PDE7B: variants seen among roughly 807,000 people sequenced by gnomAD.
PDE7B encodes the protein 3',5'-cyclic-AMP phosphodiesterase 7B.
In PDE7B, 29 loss-of-function variants were observed where a neutral mutation model predicts 56.2. The ratio of observed to expected loss-of-function variants is 0.52; its 90% CI spans 0.38 to 0.70. The LOEUF is 0.70. Among genes scored for constraint, PDE7B ranks in the 30% least tolerant of loss-of-function variants. PDE7B has a pLI of 0.00. For missense variants in PDE7B, 490 were observed against 565.0 expected (o/e 0.87, Z 1.35); for synonymous variants, 197 against 196.9 (o/e 1.00, Z 0.00).
At chr6:135,863,063 A>G (rs866847911) in intron 1 of PDE7B, among the ~76,000 whole-genome samples, 3 of 152,000 alleles carry the variant, frequency 2.0e-5, no homozygotes, top group Non-Finnish European at 4.4e-5. Context: ...ACTTGAATGT[A>G]TAACCGAATA....
At chr6:136,038,250 C>G (rs766234144) in intron 2 of PDE7B, 14 of 1,296,302 alleles carry the variant, frequency 1.1e-5, no homozygotes, top group African/African-American at 1.5e-5. Context: ...AGCAGCAGCA[C>G]CACCACCACC....
At chr6:135,990,380 G>A (rs1775459161) in intron 2 of PDE7B, among the ~76,000 whole-genome samples, 1 of 152,188 alleles carries the variant, frequency 6.6e-6, no homozygotes, top group African/African-American at 2.4e-5. Flanking sequence ...ACAGGCGTGA[G>A]CTACTATGAC....
intron 2 of PDE7B, among the ~76,000 whole-genome samples, chr6:136,073,449 A>T (rs1303168059): frequency 6.6e-6 from 1 of 152,190 alleles, no homozygotes; most frequent in African/African-American, 2.4e-5. Flanking sequence ...ATTTTCTCAC[A>T]GTCTTACAGG....
intron 2 of PDE7B, among the ~76,000 whole-genome samples, chr6:136,033,241 C>A (rs1344757481): frequency 6.6e-6 from 1 of 152,222 alleles, no homozygotes. Context: ...TTGTTCTCAA[C>A]CTTTTGTCTC....
At position 135,905,893 on chromosome 6, in the gene PDE7B, T is replaced by C. The variant is rs560658751; in HGVS notation, c.22-41571T>C. 2.0e-5 allele frequency among the ~76,000 whole-genome samples: 3 copies of C among 152,142 alleles called. No homozygotes were observed. In the East Asian group the frequency reaches 5.8e-4, roughly 29 times the overall value. ...TGGTCACAGGCATCGTTTTGCTGGA[T>C]TGTTTGAGGAGAAGCAGGACAGAAG... On this transcript the variant is annotated intron_variant, in intron 1 of 12. Coordinates refer to ENST00000308191, the MANE Select transcript of PDE7B (RefSeq NM_018945.4).
intron 2 of PDE7B, among the ~76,000 whole-genome samples, chr6:135,985,938 G>A (rs750343337): frequency 3.9e-5 from 6 of 152,036 alleles, no homozygotes; most frequent in Admixed American, 6.6e-5. Context: ...CTCAGGCACC[G>A]GGCGATGCTC....
intron 2 of PDE7B, among the ~76,000 whole-genome samples, chr6:136,083,202 C>T (rs533059267): frequency 3.5e-4 from 54 of 152,262 alleles, no homozygotes; most frequent in Middle Eastern, 3.4e-3. Context: ...AGAGAACAGT[C>T]GGAAGACTGA....
At chr6:136,113,666 C>T (rs1562496399) in intron 3 of PDE7B, among the ~76,000 whole-genome samples, 2 of 152,130 alleles carry the variant, frequency 1.3e-5, no homozygotes, top group African/African-American at 4.8e-5. Context: ...CTGTATTCTC[C>T]CAATGTCGAT....
chr6:136,086,154 GT>G (rs1777288836), intron 2 of PDE7B, among the ~76,000 whole-genome samples: 1 of 152,120 alleles, frequency 6.6e-6, no homozygotes. Context: ...CCATTATTCT[GT>G]TTTCTGTAGT....
chr6:135,871,375 CA>C (rs1381505270), intron 1 of PDE7B, among the ~76,000 whole-genome samples: 2 of 152,156 alleles, frequency 1.3e-5, no homozygotes, highest in Non-Finnish European at 2.9e-5. Flanking sequence ...AATCAAAGTA[CA>C]AAGACCACAT....
chr6:136,189,350 G>T (rs1779187021), intron 12 of PDE7B, among the ~76,000 whole-genome samples: 1 of 152,094 alleles, frequency 6.6e-6, no homozygotes, highest in Non-Finnish European at 1.5e-5. Flanking sequence ...AATCCCTTGA[G>T]GCCAGGAATT....
At chr6:136,057,447 C>T (rs1776757742) in intron 2 of PDE7B, among the ~76,000 whole-genome samples, 1 of 152,146 alleles carries the variant, frequency 6.6e-6, no homozygotes, top group South Asian at 2.1e-4. Context: ...AGCCTAATAC[C>T]TCTAATCATA....
At chr6:135,857,320 A>G (rs1254395805) in intron 1 of PDE7B, among the ~76,000 whole-genome samples, 3 of 152,156 alleles carry the variant, frequency 2.0e-5, no homozygotes, top group Non-Finnish European at 4.4e-5. Context: ...TTCACATATA[A>G]ATAGGAAGTA....
At chr6:135,982,195 T>C (rs1410509225) in intron 2 of PDE7B, among the ~76,000 whole-genome samples, 2 of 152,152 alleles carry the variant, frequency 1.3e-5, no homozygotes, top group African/African-American at 2.4e-5. Flanking sequence ...TATTGCCAAA[T>C]TGGCTTAAGC....
chr6:135,931,619 A>C (rs774788827), intron 1 of PDE7B, among the ~76,000 whole-genome samples: 2 of 152,210 alleles, frequency 1.3e-5, no homozygotes, highest in Non-Finnish European at 2.9e-5. Flanking sequence ...AAACAATGGA[A>C]TATATTATGG....
At chr6:136,048,322 A>G (rs555432497) in intron 2 of PDE7B, among the ~76,000 whole-genome samples, 1 of 152,166 alleles carries the variant, frequency 6.6e-6, no homozygotes, top group South Asian at 2.1e-4. Context: ...TCAGGAGTTC[A>G]AGACCAGCCT....
intron 2 of PDE7B, among the ~76,000 whole-genome samples, chr6:135,973,167 T>G (rs1313385724): frequency 6.6e-6 from 1 of 151,132 alleles, no homozygotes; most frequent in African/African-American, 2.5e-5. Context: ...CCACCGGTAT[T>G]CTACTATTTG....
chr6:136,003,590 T>C (rs939283943), intron 2 of PDE7B, among the ~76,000 whole-genome samples: 1 of 152,156 alleles, frequency 6.6e-6, no homozygotes, highest in Non-Finnish European at 1.5e-5. Flanking sequence ...GCAAATAAAC[T>C]AGAAAATCTA....
chr6:135,957,263 A>G (rs1192124529), intron 2 of PDE7B, among the ~76,000 whole-genome samples: 1 of 152,166 alleles, frequency 6.6e-6, no homozygotes, highest in Non-Finnish European at 1.5e-5. Context: ...GAATGCAAGC[A>G]TACAGAACTA....
Sources: gnomAD v4.1 joint callset for allele counts (sites outside exome capture counted in the v4.1 genomes callset) on GRCh38, gnomAD v4.1.1 for gene constraint, MANE v1.5 for transcripts, NCBI Gene and HGNC (gene_info 2026-07-23, HGNC 2026-07-21) for gene names.